Variants in CSGALNACT1 observed in about 807,000 individuals in gnomAD.
CSGALNACT1 encodes the protein chondroitin sulfate N-acetylgalactosaminyltransferase 1.
A neutral mutation model predicts 51.0 loss-of-function variants in CSGALNACT1; 52 were observed. The observed-to-expected ratio is 1.02, with a 90% CI of 0.82 to 1.29. The LOEUF is 1.29. CSGALNACT1 is among the 50% of genes most tolerant of loss of function. The probability of loss-of-function intolerance (pLI) is 0.00; values close to 1 mark genes in which losing one functional copy is unlikely to be tolerated. For synonymous variants in CSGALNACT1, 341 were observed against 254.4 expected (o/e 1.34, Z -3.24); for missense variants, 935 against 679.2 (o/e 1.38, Z -4.19).
At chr8:19,741,044 A>G (rs574658276) in intron 1 of CSGALNACT1, among the ~76,000 whole-genome samples, 2 of 152,224 alleles carry the variant, frequency 1.3e-5, no homozygotes, top group Non-Finnish European at 2.9e-5. Context: ...GGAGGAAGCA[A>G]GTCAAAAACT....
intron 1 of CSGALNACT1, among the ~76,000 whole-genome samples, chr8:19,724,122 C>G (rs1265085876): frequency 7.2e-5 from 11 of 152,122 alleles, no homozygotes; most frequent in Admixed American, 6.6e-4. Flanking sequence ...TCCAGGAAAG[C>G]AAGACCACCG....
chr8:19,708,177 T>C (rs1425518048), intron 1 of CSGALNACT1, among the ~76,000 whole-genome samples: 1 of 152,180 alleles, frequency 6.6e-6, no homozygotes, highest in East Asian at 1.9e-4. Context: ...ACTGGTCACA[T>C]TGCCCTGTTT....
At chr8:19,549,443 C>T (rs1181887907) in intron 3 of CSGALNACT1, among the ~76,000 whole-genome samples, 1 of 152,104 alleles carries the variant, frequency 6.6e-6, no homozygotes, top group Non-Finnish European at 1.5e-5. Flanking sequence ...CACACTCTAA[C>T]ACAGAACTAG....
intron 1 of CSGALNACT1, among the ~76,000 whole-genome samples, chr8:19,619,735 A>C (rs1486243801): frequency 6.6e-6 from 1 of 152,222 alleles, no homozygotes; most frequent in Admixed American, 6.5e-5. Flanking sequence ...ATAACAAAAC[A>C]GTCCTGTCCT....
chr8:19,657,992 A>T (rs1403097865), intron 1 of CSGALNACT1, among the ~76,000 whole-genome samples: 3 of 142,806 alleles, frequency 2.1e-5, no homozygotes, highest in African/African-American at 7.8e-5. Flanking sequence ...TGAAATCATT[A>T]TTCAGGCAGA....
chr8:19,470,386 AAC>A (rs763132880), intron 4 of CSGALNACT1, among the ~76,000 whole-genome samples: 26 of 152,204 alleles, frequency 1.7e-4, no homozygotes, highest in Non-Finnish European at 3.2e-4. Context: ...GGATGTGGGA[AAC>A]AACGCAGAGG....
chr8:19,436,541 A>AC (rs2060404244), intron 6 of CSGALNACT1, among the ~76,000 whole-genome samples: 1 of 152,258 alleles, frequency 6.6e-6, no homozygotes, highest in South Asian at 2.1e-4. Context: ...ATACCTCTGA[A>AC]CAAAAGCTTT....
chr8:19,513,444 A>C (rs1199119286), intron 3 of CSGALNACT1, among the ~76,000 whole-genome samples: 4,367 of 99,450 alleles, frequency 0.044, 119 homozygotes, highest in Middle Eastern at 0.049. Flanking sequence ...CTCTATATAT[A>C]TATATATATA....
At chr8:19,710,894 T>A (rs1338594457) in intron 1 of CSGALNACT1, among the ~76,000 whole-genome samples, 1 of 152,062 alleles carries the variant, frequency 6.6e-6, no homozygotes, top group African/African-American at 2.4e-5. Flanking sequence ...CTTTATTCGA[T>A]TGCATCACTA....
chr8:19,539,356 A>C (rs2084533865), intron 3 of CSGALNACT1, among the ~76,000 whole-genome samples: 1 of 152,192 alleles, frequency 6.6e-6, no homozygotes, highest in African/African-American at 2.4e-5. Flanking sequence ...AATTAATCTT[A>C]TTAATGTTCT....
rs531850926 is a variant in CSGALNACT1, at chr8:19,643,362, C to T, written c.-544+39111G>A. ...TAAAAAGTAGGGAGCTTTCACCAGG[C>T]ACAGTGGCTCATGCCTGTAATCTCA... is the stretch of plus-strand genomic sequence containing the variant. On this transcript the variant is annotated intron_variant, in intron 1 of 9. Coordinates refer to the CSGALNACT1 transcript ENST00000332246. 3.3e-5 allele frequency among the ~76,000 whole-genome samples: 5 copies of T among 152,218 alleles called. No homozygotes were observed. The East Asian group carries it at 9.6e-4, about 29-fold the overall frequency.
chr8:19,691,806 G>A (rs1280420974), intron 1 of CSGALNACT1, among the ~76,000 whole-genome samples: 5 of 152,254 alleles, frequency 3.3e-5, no homozygotes, highest in East Asian at 1.9e-4. Flanking sequence ...CAAGTGTGTC[G>A]CTGGGCTGGC....
rs549562053 is a variant in CSGALNACT1, at chr8:19,526,478, G to A, written c.-296-20348C>T. 7.9e-5 allele frequency among the ~76,000 whole-genome samples: 12 copies of A among 152,248 alleles called. No homozygotes were observed. The East Asian group carries it at 1.9e-3, about 25-fold the overall frequency. On this transcript the variant is annotated intron_variant, in intron 3 of 9. Transcript: ENST00000454498. ...CGCGCCTGTAGTGCCAGCTACTCGG[G>A]AGACCGAGGCAGGATAATCACTTGA...
At chr8:19,411,989 C>T (rs1444398844) in intron 8 of CSGALNACT1, among the ~76,000 whole-genome samples, 1 of 152,118 alleles carries the variant, frequency 6.6e-6, no homozygotes, top group Non-Finnish European at 1.5e-5. Context: ...TACCACCATG[C>T]CCGGCTACAT....
chr8:19,662,074 A>ACCCCCCCCCCC (rs1159242984), intron 1 of CSGALNACT1, among the ~76,000 whole-genome samples: 2 of 35,016 alleles, frequency 5.7e-5, no homozygotes, highest in Non-Finnish European at 1.1e-4. Flanking sequence ...ACCCCCCCCC[A>ACCCCCCCCCCC]CCCCCCCCCC....
At chr8:19,449,553 A>T (rs2062725351) in intron 5 of CSGALNACT1, among the ~76,000 whole-genome samples, 1 of 152,228 alleles carries the variant, frequency 6.6e-6, no homozygotes, top group Non-Finnish European at 1.5e-5. Flanking sequence ...TTACTGCTTT[A>T]AAATAATTTT....
At chr8:19,458,561 A>G in exon 5 of CSGALNACT1, 2 of 1,614,178 alleles carry the variant, frequency 1.2e-6, no homozygotes, top group Non-Finnish European at 1.7e-6. Context: ...AAATAAGATG[A>G]GCCGTTTGAA....
At chr8:19,651,981 AG>A (rs2057854252) in intron 1 of CSGALNACT1, among the ~76,000 whole-genome samples, 1 of 151,638 alleles carries the variant, frequency 6.6e-6, no homozygotes, top group Non-Finnish European at 1.5e-5. Context: ...CCCAGACTAG[AG>A]TACAGTGGCG....
intron 3 of CSGALNACT1, among the ~76,000 whole-genome samples, chr8:19,509,359 C>T (rs1006016608): frequency 6.6e-6 from 1 of 152,110 alleles, no homozygotes; most frequent in Non-Finnish European, 1.5e-5. Context: ...GTGGCTCACA[C>T]CTGTAATCCC....
Sources: gnomAD v4.1 joint callset for allele counts (sites outside exome capture counted in the v4.1 genomes callset) on GRCh38, gnomAD v4.1.1 for gene constraint, MANE v1.5 for transcripts, NCBI Gene and HGNC (gene_info 2026-07-23, HGNC 2026-07-21) for gene names.